Variants in USP26 observed in about 807,000 individuals in gnomAD.
The protein encoded by USP26 is ubiquitin carboxyl-terminal hydrolase 26.
For missense variants in USP26, 649 were observed against 642.3 expected (o/e 1.01, Z -0.11); for synonymous variants, 236 against 240.6 (o/e 0.98, Z 0.18).
intron 5 of USP26, among the ~76,000 whole-genome samples, chrX:133,079,870 G>A (rs1295449304): frequency 9.0e-6 from 1 of 111,702 alleles, no homozygotes; most frequent in East Asian, 2.8e-4. Flanking sequence ...AGATGAATGA[G>A]AAGGAAAGTG....
At position 133,027,675 on chromosome X, in the gene USP26, T is replaced by G; in HGVS notation, c.546A>C (p.Arg182Ser). The G allele has an allele frequency of 1.7e-5, 20 of 1,208,560 alleles. No homozygotes were observed. Among genetic ancestry groups the G allele is most frequent in the Non-Finnish European group, 2.1e-5 (19 of 893,046 alleles). ...TCATCTCTGAGCTAGATGAGAGCAT[T>G]CTTTTCCTCTTCTTGTGCTGATTTT... Reference protein sequence around the residue: ...LSENQHKKRKRMLSSSSEMNE... With the variant: ...LSENQHKKRKSMLSSSSEMNE... The change falls in exon 6 of 6, where the codon AGA (arginine) becomes AGC (serine). Residue 182 changes from arginine to serine, a missense_variant. By Grantham distance (110) the Arg-to-Ser change is moderately radical. Transcript: ENST00000511190.
At chrX:133,088,088 T>G (rs779091485) in intron 4 of USP26, among the ~76,000 whole-genome samples, 1 of 111,716 alleles carries the variant, frequency 9.0e-6, no homozygotes, top group African/African-American at 3.3e-5. Flanking sequence ...GAGGACTGCT[T>G]GAGCCCAGGA....
rs909118198 is a variant in USP26, at chrX:133,048,719, T to C, written c.-76-20423A>G. Among the ~76,000 whole-genome samples, 4 of 111,465 alleles carry C rather than the reference T, an allele frequency of 3.6e-5. No homozygotes were observed. In the Admixed American group the frequency reaches 3.8e-4, roughly 11 times the overall value. On this transcript the variant is annotated intron_variant, in intron 5 of 5. Coordinates refer to ENST00000511190, the MANE Select transcript of USP26 (RefSeq NM_031907.3). ...CCGCCACCACGCCCGGCTAATTTTT[T>C]GTATTTTTAGTAAAGACGGGGTTTC...
chrX:133,029,744 T>G (rs1385929891), intron 5 of USP26, among the ~76,000 whole-genome samples: 1 of 112,177 alleles, frequency 8.9e-6, no homozygotes, highest in African/African-American at 3.2e-5. Flanking sequence ...TATTGGTAGA[T>G]GAAATAATCT....
chrX:133,042,155 C>T (rs752088278), intron 5 of USP26, among the ~76,000 whole-genome samples: 11 of 111,605 alleles, frequency 9.9e-5, no homozygotes, highest in African/African-American at 3.3e-4. Flanking sequence ...TCCATGGGAC[C>T]GGGACCCACT....
At chrX:133,045,013 A>C (rs1331073297) in intron 5 of USP26, among the ~76,000 whole-genome samples, 1 of 111,660 alleles carries the variant, frequency 9.0e-6, no homozygotes, top group Non-Finnish European at 1.9e-5. Flanking sequence ...AGGATTGTGA[A>C]TACACCAATC....
intron 1 of USP26, among the ~76,000 whole-genome samples, chrX:133,094,972 G>A (rs771497978): frequency 9.2e-6 from 1 of 108,601 alleles, no homozygotes; most frequent in South Asian, 4.0e-4. Context: ...GCGGGCACCT[G>A]TAATCCCAGC....
chrX:133,035,604 C>A (rs2067393576), intron 5 of USP26, among the ~76,000 whole-genome samples: 1 of 111,891 alleles, frequency 8.9e-6, no homozygotes, highest in Non-Finnish European at 1.9e-5. Context: ...CAACATCCCA[C>A]CTGCCTCCTT....
rs149433874 is a variant in USP26 at position 133,028,141 on chromosome X, A to G, written c.80T>C (p.Ile27Thr). The G allele has an allele frequency of 2.3e-5, 28 of 1,209,822 alleles. No homozygotes were observed. The highest frequency in any genetic ancestry group is 1.0e-4 in the African/African-American group (6 of 57,248). ...TTTCTTCTTTCTTTCCACTGCTTCA[A>G]TGAATGCTTCTTTTGACTTAGATAT... is the stretch of plus-strand genomic sequence containing the variant. ...TGISKSKEAF[I>T]EAVERKKKDR... Residue 27 changes from isoleucine to threonine, a missense_variant, in exon 6 of 6, where the codon ATT (isoleucine) becomes ACT (threonine). Coordinates refer to ENST00000511190, the MANE Select transcript of USP26 (RefSeq NM_031907.3).
chrX:133,051,712 G>T (rs950820254), intron 5 of USP26, among the ~76,000 whole-genome samples: 3 of 112,278 alleles, frequency 2.7e-5, no homozygotes, highest in Non-Finnish European at 5.6e-5. Context: ...CATTTTCTGT[G>T]ATATGACAGT....
At position 133,071,895 on chromosome X, in the gene USP26, A is replaced by C. The variant is rs190159498; in HGVS notation, c.-77+11812T>G. Among the ~76,000 whole-genome samples the C allele has an allele frequency of 3.5e-3, 390 of 111,540 alleles. 2 individuals are homozygous for C. Among genetic ancestry groups the C allele is most frequent in the African/African-American group, 0.012 (367 of 30,695 alleles). On this transcript the variant is annotated intron_variant, in intron 5 of 5. Transcript: ENST00000511190. ...ATCCATTGGAACGCTCTAATTTTAC[A>C]TCATAGGAAACCTGGGAAGGTAAAG... is the stretch of plus-strand genomic sequence containing the variant.
chrX:133,034,577 T>G (rs2067389783), intron 5 of USP26, among the ~76,000 whole-genome samples: 2 of 112,605 alleles, frequency 1.8e-5, no homozygotes, highest in Non-Finnish European at 3.7e-5. Flanking sequence ...CTTTGATCAT[T>G]TTTAAAGGAC....
chrX:133,026,364 C>T lies in USP26; in HGVS notation c.1857G>A (p.Gly619=). 1 of 1,206,051 alleles carries T rather than the reference C, an allele frequency of 8.3e-7. No individual in the cohort carries two copies. The change falls in exon 6 of 6, where the codon GGG becomes GGA. Residue 619 remains glycine (G), a synonymous_variant. Transcript: ENST00000511190. ...ACTTTTGCTGCTGTCTTCTGCTTGC[C>T]CCTTTAAAGACTGTCTGGCCTTTTT... is the stretch of plus-strand genomic sequence containing the variant. ...EQKKGQTVFK[G]ASRRQQQKYL...
At chrX:133,094,769 A>G (rs937697756) in intron 1 of USP26, among the ~76,000 whole-genome samples, 2 of 111,963 alleles carry the variant, frequency 1.8e-5, no homozygotes, top group African/African-American at 3.2e-5. Context: ...GCTCTCAGGC[A>G]AATTAGCAAT....
chrX:133,033,541 GA>G (rs2067385742), intron 5 of USP26, among the ~76,000 whole-genome samples: 1 of 112,221 alleles, frequency 8.9e-6, no homozygotes, highest in South Asian at 3.7e-4. Context: ...CAACATAGTT[GA>G]TTAGGAAAAC....
intron 5 of USP26, among the ~76,000 whole-genome samples, chrX:133,033,836 T>A (rs972250006): frequency 8.9e-6 from 1 of 112,176 alleles, no homozygotes; most frequent in Non-Finnish European, 1.9e-5. Flanking sequence ...AAAATATTCC[T>A]GACCTCGGGT....
chrX:133,053,355 C>T (rs919748975), intron 5 of USP26, among the ~76,000 whole-genome samples: 4 of 110,033 alleles, frequency 3.6e-5, no homozygotes, highest in Non-Finnish European at 7.6e-5. Flanking sequence ...CTGGGCAACA[C>T]GGTGAAACCC....
intron 5 of USP26, among the ~76,000 whole-genome samples, chrX:133,052,177 G>A (rs2067461371): frequency 8.9e-6 from 1 of 112,161 alleles, no homozygotes; most frequent in African/African-American, 3.2e-5. Context: ...CCAAAGTCAC[G>A]AGAATGTGGA....
At chrX:133,049,536 T>C (rs1471066824) in intron 5 of USP26, among the ~76,000 whole-genome samples, 2 of 112,254 alleles carry the variant, frequency 1.8e-5, no homozygotes, top group Non-Finnish European at 3.8e-5. Flanking sequence ...TATAGATGCT[T>C]ATCCTAGTTA....
Sources: allele counts gnomAD v4.1 joint callset (sites outside exome capture counted in the v4.1 genomes callset), GRCh38; gene constraint gnomAD v4.1.1; transcripts MANE v1.5; gene names NCBI Gene and HGNC (gene_info 2026-07-23, HGNC 2026-07-21).